RIMKLA: variants seen among roughly 807,000 people sequenced by gnomAD.
RIMKLA encodes ribosomal modification protein rimK like family member A.
In RIMKLA, 14 loss-of-function variants were observed where a neutral mutation model predicts 32.7. The ratio of observed to expected loss-of-function variants is 0.43; its 90% confidence interval spans 0.28 to 0.67. The LOEUF (loss-of-function observed/expected upper bound fraction) is 0.67. Ranked by LOEUF, RIMKLA falls within the 30% of genes least tolerant of loss-of-function variation. The pLI, the probability that RIMKLA is intolerant of heterozygous loss-of-function variation, is 0.18. For synonymous variants in RIMKLA, 176 were observed against 204.1 expected (o/e 0.86, Z 1.18); for missense variants, 410 against 519.0 (o/e 0.79, Z 2.04).
intron 1 of RIMKLA, among the ~76,000 whole-genome samples, chr1:42,390,330 G>T (rs1209302317): frequency 6.6e-6 from 1 of 152,166 alleles, no homozygotes; most frequent in Non-Finnish European, 1.5e-5. Flanking sequence ...GAGCCACCGT[G>T]CCCAGCTGAG....
At chr1:42,383,772 A>G (rs960077746) in intron 1 of RIMKLA, among the ~76,000 whole-genome samples, 4 of 152,208 alleles carry the variant, frequency 2.6e-5, no homozygotes, top group African/African-American at 9.6e-5. Context: ...CCTCAATGCC[A>G]TCCAGCTAGT....
rs940943042 is a variant in RIMKLA at position 42,420,252 on chromosome 1, A to G, written c.*5278A>G. 5.3e-5 allele frequency: 8 copies of G among 152,272 alleles called. No individual in the cohort carries two copies. The highest frequency in any genetic ancestry group is 2.1e-4 in the South Asian group (1 of 4,832). The allele number at this position is 152,272 out of a possible 1,614,324, so 9.4% of individuals were successfully genotyped here. On this transcript the variant is annotated 3_prime_UTR_variant, in exon 5 of 5. Transcript: ENST00000431473. ...TTTTAAATAGCGTCTTATCCCTGCA[A>G]TGCATCAGCTGAGACATGAAGCTCA...
At chr1:42,383,138 G>A (rs1261803226) in intron 1 of RIMKLA, among the ~76,000 whole-genome samples, 2 of 151,696 alleles carry the variant, frequency 1.3e-5, no homozygotes, top group Non-Finnish European at 2.9e-5. Flanking sequence ...CATCCGCCTC[G>A]ACCTCCTAAA....
intron 1 of RIMKLA, among the ~76,000 whole-genome samples, chr1:42,390,299 A>G (rs1235639165): frequency 2.6e-5 from 4 of 152,120 alleles, no homozygotes; most frequent in Non-Finnish European, 4.4e-5. Context: ...CAGCCTCCCA[A>G]AGTGCTGGGA....
chr1:42,401,701 G>T (rs1195449807), intron 2 of RIMKLA, among the ~76,000 whole-genome samples: 2 of 152,288 alleles, frequency 1.3e-5, no homozygotes, highest in South Asian at 4.2e-4. Context: ...AAATAAATGG[G>T]AAGTTAGGAA....
At chr1:42,396,318 C>G (rs1643047282) in intron 1 of RIMKLA, 1 of 152,466 alleles carries the variant, frequency 6.6e-6, no homozygotes, top group African/African-American at 2.4e-5. Flanking sequence ...AACTGCATCC[C>G]TAAACCTGTC....
In RIMKLA at chr1:42,415,024, A is replaced by G; in HGVS notation, c.*50A>G. The stretch of plus-strand genomic sequence containing the variant: ...AACCAAATCCTACTGCTTCCCTAGT[A>G]GTTTTGAGTGAATAAAATCTGGACT... On this transcript the variant is annotated 3_prime_UTR_variant, in exon 5 of 5. Transcript: ENST00000431473. 6.6e-7 allele frequency: 1 copy of G among 1,520,720 alleles called. No individual in the cohort carries two copies. Among genetic ancestry groups the G allele is most frequent in the Non-Finnish European group, 8.8e-7 (1 of 1,136,084 alleles). The allele number at this position is 1,520,720 out of a possible 1,614,324, so 94.2% of individuals were successfully genotyped here. A position where few individuals can be genotyped will look rare whatever the true frequency, so the allele number is the denominator to read the frequency against.
At position 42,415,550 on chromosome 1, in the gene RIMKLA, T is replaced by A. The variant is rs576926664; in HGVS notation, c.*576T>A. On this transcript the variant is annotated 3_prime_UTR_variant, in exon 5 of 5. Transcript: ENST00000431473. ...TTAGCATTTTCAGTGAAGCACTTTG[T>A]AGAAAGTGAGATTGAACGTTCTTTG... 6.6e-6 allele frequency: 1 copy of A among 152,512 alleles called. No individual in the cohort carries two copies. The highest frequency in any genetic ancestry group is 2.1e-4 in the South Asian group (1 of 4,834). 9.4% of individuals were successfully genotyped at this position (152,512 alleles called of 1,614,324 possible). A position where few individuals can be genotyped will look rare whatever the true frequency, so the allele number is the denominator to read the frequency against.
intron 1 of RIMKLA, among the ~76,000 whole-genome samples, chr1:42,385,844 C>CTCTCTCTCTCTCTCTCTTTCTT (rs1184237388): frequency 7.0e-5 from 4 of 56,994 alleles, no homozygotes; most frequent in East Asian, 3.2e-4. Flanking sequence ...TTCTTTCTTT[C>CTCTCTCTCTCTCTCTCTTTCTT]TCTTTCTTTC....
intron 1 of RIMKLA, among the ~76,000 whole-genome samples, chr1:42,390,430 G>A (rs1378418206): frequency 6.6e-6 from 1 of 152,210 alleles, no homozygotes; most frequent in Non-Finnish European, 1.5e-5. Flanking sequence ...TGATGTAGGA[G>A]AGACAGGCAA....
rs1643300682 is a variant in RIMKLA at position 42,422,120 on chromosome 1, T to C, written c.*7146T>C. On this transcript the variant is annotated 3_prime_UTR_variant, in exon 5 of 5. Coordinates refer to ENST00000431473, the MANE Select transcript of RIMKLA (RefSeq NM_173642.4). The stretch of plus-strand genomic sequence containing the variant: ...CTGCTGGGAGACAGAGAGAAGAAAC[T>C]GATACACGTGAGCACTGAAACATCT... The C allele has an allele frequency of 6.6e-6, 1 of 152,216 alleles. No homozygotes were observed. Among genetic ancestry groups the C allele is most frequent in the East Asian group, 1.9e-4 (1 of 5,190 alleles). The allele number at this position is 152,216 out of a possible 1,614,324, so 9.4% of individuals were successfully genotyped here. A position where few individuals can be genotyped will look rare whatever the true frequency, so the allele number is the denominator to read the frequency against.
intron 1 of RIMKLA, among the ~76,000 whole-genome samples, chr1:42,395,652 G>A (rs913087963): frequency 6.6e-6 from 1 of 152,192 alleles, no homozygotes; most frequent in African/African-American, 2.4e-5. Flanking sequence ...TCCGTAGATT[G>A]CAGTGGAAAT....
Position 42,380,910 on chromosome 1 carries a change from C to G in RIMKLA, c.-25C>G. The G allele has an allele frequency of 7.6e-7, 1 of 1,318,798 alleles. No homozygotes were observed. The highest frequency in any genetic ancestry group is 9.7e-7 in the Non-Finnish European group (1 of 1,035,370). 81.7% of individuals were successfully genotyped at this position (1,318,798 alleles called of 1,614,324 possible). ...CCGGGGCGCCGAGGGGTCCGCGCCG[C>G]GCGGGGCGCACCGCCCTGGCCGCCA... On this transcript the variant is annotated 5_prime_UTR_variant, in exon 1 of 5. Transcript: ENST00000431473.
chr1:42,392,453 TAAG>T (rs1441851709), intron 1 of RIMKLA, among the ~76,000 whole-genome samples: 7 of 152,174 alleles, frequency 4.6e-5, no homozygotes, highest in African/African-American at 9.7e-5. Flanking sequence ...GCCCAGCCCT[TAAG>T]AAGACAGTGC....
At chr1:42,394,867 G>A (rs984376338) in intron 1 of RIMKLA, among the ~76,000 whole-genome samples, 1 of 152,042 alleles carries the variant, frequency 6.6e-6, no homozygotes, top group Admixed American at 6.6e-5. Flanking sequence ...CTCCCAAGTA[G>A]CTGGGATTAC....
In RIMKLA at chr1:42,380,808, C is replaced by T. The variant is rs1642878884; in HGVS notation, c.-127C>T. On this transcript the variant is annotated 5_prime_UTR_variant, in exon 1 of 5. Coordinates refer to ENST00000431473, the MANE Select transcript of RIMKLA (RefSeq NM_173642.4). ...GTCAGGGCTGCAGAGACGCCTGGCG[C>T]ACCCGCGGGAGCGGAGCCGTGGCGC... is the stretch of plus-strand genomic sequence containing the variant. The T allele has an allele frequency of 7.6e-6, 3 of 393,486 alleles. No homozygotes were observed. The East Asian group carries it at 3.5e-4, about 46-fold the overall frequency. 24.4% of individuals were successfully genotyped at this position (393,486 alleles called of 1,614,324 possible). A position where few individuals can be genotyped will look rare whatever the true frequency, so the allele number is the denominator to read the frequency against.
At chr1:42,401,328 G>C (rs1442731368) in intron 2 of RIMKLA, among the ~76,000 whole-genome samples, 1 of 152,088 alleles carries the variant, frequency 6.6e-6, no homozygotes, top group Non-Finnish European at 1.5e-5. Context: ...CTGCTTTAGG[G>C]AATGGGTACA....
At chr1:42,414,402 C>G (rs1216086830) in intron 4 of RIMKLA, 82 bp from the exon 5 acceptor site, 2 of 1,441,170 alleles carry the variant, frequency 1.4e-6, no homozygotes, top group African/African-American at 1.4e-5. Flanking sequence ...TTCTGCCCCT[C>G]CTGGGCAGAT....
At chr1:42,413,117 G>C (rs931786454) in intron 4 of RIMKLA, among the ~76,000 whole-genome samples, 2 of 152,042 alleles carry the variant, frequency 1.3e-5, no homozygotes, top group African/African-American at 4.8e-5. Flanking sequence ...CTGGGCGACA[G>C]AGTGAGACTC....
Sources: gnomAD v4.1 joint callset for allele counts (sites outside exome capture counted in the v4.1 genomes callset) on GRCh38, gnomAD v4.1.1 for gene constraint, MANE v1.5 for transcripts, NCBI Gene and HGNC (gene_info 2026-07-23, HGNC 2026-07-21) for gene names.